Variants in PIH1D2 observed in about 807,000 individuals in gnomAD.
The protein encoded by PIH1D2 is PIH1 domain containing 2.
PIH1D2 carries 25 observed loss-of-function variants against 31.2 expected under a neutral mutation model. The ratio of observed to expected loss-of-function variants is 0.80; its 90% CI spans 0.58 to 1.12. The LOEUF is 1.12. PIH1D2 is among the 50% of genes most tolerant of loss of function. The pLI is 0.00. For missense variants in PIH1D2, 310 were observed against 356.6 expected (o/e 0.87, Z 1.05); for synonymous variants, 116 against 119.9 (o/e 0.97, Z 0.21).
At chr11:112,054,539 G>T in the PIH1D2 span, among the ~76,000 whole-genome samples, 1 of 152,108 alleles carries the variant, frequency 6.6e-6, no homozygotes, top group Non-Finnish European at 1.5e-5. Flanking sequence ...CTCCACAAGC[G>T]AGGAGAGGAG....
downstream of PIH1D2, chr11:112,062,375 G>A (rs782431313): frequency 6.2e-7 from 1 of 1,611,512 alleles, no homozygotes; most frequent in Non-Finnish European, 8.5e-7. Flanking sequence ...TTTTCTTTCA[G>A]AATATCTAAA....
intron 5 of PIH1D2, among the ~76,000 whole-genome samples, chr11:112,068,994 T>C (rs587602845): frequency 6.8e-6 from 1 of 146,508 alleles, no homozygotes; most frequent in Non-Finnish European, 1.5e-5. Flanking sequence ...TTTTTTTTTT[T>C]TTTGTTTTTT....
the PIH1D2 span, among the ~76,000 whole-genome samples, chr11:112,055,900 G>A: frequency 5.5e-5 from 4 of 72,670 alleles, no homozygotes; most frequent in African/African-American, 1.5e-4. Flanking sequence ...GTGGAGTCTC[G>A]CTCTTTTGCC....
chr11:112,054,536 A>G, the PIH1D2 span, among the ~76,000 whole-genome samples: 2 of 152,190 alleles, frequency 1.3e-5, no homozygotes, highest in Non-Finnish European at 1.5e-5. Context: ...AAACTCCACA[A>G]GCGAGGAGAG....
At chr11:112,061,578 TTTG>T, downstream of PIH1D2, 1 of 196,356 alleles carries the variant, frequency 5.1e-6, no homozygotes, top group Non-Finnish European at 1.0e-5. Flanking sequence ...CAGTGTTTTT[TTTG>T]TTTGTTTGTT....
At chr11:112,072,975 T>A (rs575696341) in intron 2 of PIH1D2, 23 bp downstream of exon 2, 3 of 1,573,324 alleles carry the variant, frequency 1.9e-6, no homozygotes, top group Middle Eastern at 1.9e-4. Flanking sequence ...GACCTCCCCA[T>A]CCCTGGCACC....
downstream of PIH1D2, chr11:112,061,295 C>G: frequency 1.0e-6 from 1 of 992,670 alleles, no homozygotes; most frequent in Non-Finnish European, 1.6e-6. Flanking sequence ...CCACAATGCT[C>G]AAGTCCCTGA....
At chr11:112,068,542 G>A (rs1865006303) in intron 5 of PIH1D2, among the ~76,000 whole-genome samples, 1 of 152,174 alleles carries the variant, frequency 6.6e-6, no homozygotes, top group Non-Finnish European at 1.5e-5. Context: ...CAGCACTTTG[G>A]GAGGCTGAGG....
At chr11:112,058,030 A>G in the PIH1D2 span, among the ~76,000 whole-genome samples, 1 of 152,160 alleles carries the variant, frequency 6.6e-6, no homozygotes, top group Non-Finnish European at 1.5e-5. Flanking sequence ...CTTTATTGCA[A>G]TATTATTTTG....
intron 5 of PIH1D2, among the ~76,000 whole-genome samples, chr11:112,068,994 T>TTTG (rs1566653322): frequency 2.7e-5 from 4 of 146,508 alleles, no homozygotes; most frequent in African/African-American, 7.8e-5. Flanking sequence ...TTTTTTTTTT[T>TTTG]TTTGTTTTTT....
At chr11:112,054,525 G>A in the PIH1D2 span, among the ~76,000 whole-genome samples, 3 of 152,042 alleles carry the variant, frequency 2.0e-5, no homozygotes, top group Non-Finnish European at 4.4e-5. Flanking sequence ...AATTCTTTCT[G>A]AAACTCCACA....
Position 112,070,440 on chromosome 11 carries a change from G to A in PIH1D2, c.809C>T (p.Ser270Phe). 10 of 1,613,472 alleles carry A rather than the reference G, an allele frequency of 6.2e-6. No homozygotes were observed. Among genetic ancestry groups the A allele is most frequent in the Non-Finnish European group, 7.6e-6 (9 of 1,179,570 alleles). ...NSVSLCDLSV[S>F]EDDLLIEVSE... ...AGTGTTATCTATTCAACTTACCTCAGAAACACTAAGGTCACAGAGAGAGAC... is the reference window on the plus strand; with the variant it reads ...AGTGTTATCTATTCAACTTACCTCAAAAACACTAAGGTCACAGAGAGAGAC... Residue 270 changes from serine to phenylalanine, a missense_variant, in exon 5 of 6, where the codon TCT (serine) becomes TTT (phenylalanine). By Grantham distance (155) the Ser-to-Phe change is radical (BLOSUM62 -2). Coordinates refer to ENST00000280350, the MANE Select transcript of PIH1D2 (RefSeq NM_138789.4).
chr11:112,053,119 C>T, the PIH1D2 span, among the ~76,000 whole-genome samples: 2 of 151,972 alleles, frequency 1.3e-5, no homozygotes, highest in Admixed American at 1.3e-4. Context: ...GTCAGGAGTT[C>T]GAGACCAGCC....
downstream of PIH1D2, among the ~76,000 whole-genome samples, chr11:112,059,067 A>G (rs1184283717): frequency 2.0e-5 from 3 of 151,542 alleles, no homozygotes; most frequent in Non-Finnish European, 4.4e-5. Context: ...AAAAAAAAAG[A>G]TTGGGACCCC....
At chr11:112,058,061 G>T in the PIH1D2 span, among the ~76,000 whole-genome samples, 1 of 152,102 alleles carries the variant, frequency 6.6e-6, no homozygotes, top group Non-Finnish European at 1.5e-5. Flanking sequence ...ACTGAACCTG[G>T]AATATCAAGA....
intron 5 of PIH1D2, chr11:112,070,180 G>A: frequency 3.4e-6 from 2 of 591,280 alleles, no homozygotes; most frequent in South Asian, 4.3e-5. Context: ...ACTTTGGCCA[G>A]TGGAGCGTGA....
downstream of PIH1D2, chr11:112,061,484 G>T (rs904812735): frequency 2.1e-5 from 7 of 330,264 alleles, no homozygotes; most frequent in Non-Finnish European, 3.4e-5. Context: ...TTACTTTCTG[G>T]ATATTTTGAT....
downstream of PIH1D2, among the ~76,000 whole-genome samples, chr11:112,058,268 A>G (rs1469845235): frequency 6.6e-6 from 1 of 152,196 alleles, no homozygotes; most frequent in Non-Finnish European, 1.5e-5. Context: ...GTAATAATTT[A>G]TTCAAGAAAG....
intron 5 of PIH1D2, chr11:112,070,070 C>T (rs781996382): frequency 2.3e-4 from 84 of 359,802 alleles, no homozygotes; most frequent in Non-Finnish European, 3.8e-4. Flanking sequence ...ACTATTTGCT[C>T]TTCTGTAAGA....
Sources: allele counts gnomAD v4.1 joint callset (sites outside exome capture counted in the v4.1 genomes callset), GRCh38; gene constraint gnomAD v4.1.1; transcripts MANE v1.5; gene names NCBI Gene and HGNC (gene_info 2026-07-23, HGNC 2026-07-21).